The following EPHA5 variants were observed in gnomAD, a reference collection of about 807,000 sequenced individuals.
EPHA5 encodes EPH receptor A5, also known as ephrin type-A receptor 5.
A neutral mutation model predicts 105.0 loss-of-function variants in EPHA5; 60 were observed. The observed-to-expected ratio is 0.57, with a 90% CI of 0.46 to 0.71. The LOEUF is 0.71. Among genes scored for constraint, EPHA5 ranks in the 30% least tolerant of loss-of-function variants. The pLI, the probability that EPHA5 is intolerant of heterozygous loss-of-function variation, is 0.00. For synonymous variants in EPHA5, 513 were observed against 449.1 expected (o/e 1.14, Z -1.80); for missense variants, 1,218 against 1,274.7 (o/e 0.96, Z 0.68).
chr4:65,359,554 C>T (rs939544398), intron 11 of EPHA5, among the ~76,000 whole-genome samples: 1 of 151,482 alleles, frequency 6.6e-6, no homozygotes, highest in Admixed American at 6.6e-5. Flanking sequence ...AATTGCAACT[C>T]CTTTTTTGGA....
At chr4:65,633,164 T>A (rs1383650175) in intron 2 of EPHA5, among the ~76,000 whole-genome samples, 1 of 151,514 alleles carries the variant, frequency 6.6e-6, no homozygotes, top group Non-Finnish European at 1.5e-5. Context: ...TCAAAAAACT[T>A]CAAAAGCAAG....
chr4:65,492,606 C>T (rs555436625), intron 4 of EPHA5, among the ~76,000 whole-genome samples: 27 of 150,814 alleles, frequency 1.8e-4, no homozygotes, highest in African/African-American at 5.8e-4. Context: ...TTTGTCATAC[C>T]GGCCATCTCA....
intron 2 of EPHA5, among the ~76,000 whole-genome samples, chr4:65,639,278 T>A (rs1747428706): frequency 6.6e-6 from 1 of 152,216 alleles, no homozygotes; most frequent in Admixed American, 6.5e-5. Context: ...AAATATTTAT[T>A]TTGATCATTT....
chr4:65,503,514 C>T (rs979641930), intron 3 of EPHA5, among the ~76,000 whole-genome samples: 6 of 151,592 alleles, frequency 4.0e-5, no homozygotes, highest in African/African-American at 1.5e-4. Context: ...TAGAATATTA[C>T]ATAAGAAAAG....
At chr4:65,543,571 A>G (rs1477782827) in intron 3 of EPHA5, among the ~76,000 whole-genome samples, 1 of 152,092 alleles carries the variant, frequency 6.6e-6, no homozygotes, top group Non-Finnish European at 1.5e-5. Flanking sequence ...AGAAAATAAG[A>G]AAGGACACAA....
At chr4:65,459,825 A>T (rs1727959351) in intron 5 of EPHA5, among the ~76,000 whole-genome samples, 1 of 151,878 alleles carries the variant, frequency 6.6e-6, no homozygotes, top group Non-Finnish European at 1.5e-5. Context: ...TTTATAAAGG[A>T]AATCTAAAAA....
chr4:65,384,075 T>C (rs987932810), intron 8 of EPHA5, among the ~76,000 whole-genome samples: 1 of 151,854 alleles, frequency 6.6e-6, no homozygotes, highest in Non-Finnish European at 1.5e-5. Flanking sequence ...CAGGAAGGAA[T>C]AGAAGATGAG....
At chr4:65,657,338 G>T (rs1749167070) in intron 1 of EPHA5, among the ~76,000 whole-genome samples, 1 of 152,042 alleles carries the variant, frequency 6.6e-6, no homozygotes, top group Non-Finnish European at 1.5e-5. Flanking sequence ...ATGTTATGTT[G>T]GCTGATAGCT....
chr4:65,462,885 TG>T (rs1728260854), intron 5 of EPHA5, among the ~76,000 whole-genome samples: 1 of 152,200 alleles, frequency 6.6e-6, no homozygotes, highest in African/African-American at 2.4e-5. Context: ...GCATTATTTT[TG>T]TTCTGGGAAC....
intron 8 of EPHA5, among the ~76,000 whole-genome samples, chr4:65,398,814 G>A (rs1440641374): frequency 1.3e-5 from 2 of 152,120 alleles, no homozygotes; most frequent in Admixed American, 6.5e-5. Context: ...CACTCACTGG[G>A]ATGATCTACC....
chr4:65,566,486 C>T (rs897969877), intron 3 of EPHA5, among the ~76,000 whole-genome samples: 1 of 151,776 alleles, frequency 6.6e-6, no homozygotes, highest in Non-Finnish European at 1.5e-5. Context: ...GAACCATTTG[C>T]TAAATCAATT....
chr4:65,618,638 C>A (rs940248254), intron 2 of EPHA5, among the ~76,000 whole-genome samples: 18 of 152,122 alleles, frequency 1.2e-4, no homozygotes, highest in African/African-American at 4.3e-4. Flanking sequence ...ATTTCTGCTA[C>A]GAATTTTACA....
In EPHA5 at chr4:65,404,402, CT is replaced by C. The variant is rs760196634; in HGVS notation, c.1764del (p.Val589TrpfsTer38). On this transcript the variant is annotated frameshift_variant, in exon 8 of 17. Transcript: ENST00000613740. LOFTEE classifies it high-confidence loss of function. ...VSVTVGVILL[A>X]VVIGVLLSGR... ...CCACTGAGGAGGACGCCGATAACCA[CT>C]GCCAACAAAATGACTCCCACTGTCA... is the stretch of plus-strand genomic sequence containing the variant. 1 of 1,613,732 alleles carries C rather than the reference CT, an allele frequency of 6.2e-7. No individual in the cohort carries two copies. The highest frequency in any genetic ancestry group is 8.5e-7 in the Non-Finnish European group (1 of 1,179,766).
intron 9 of EPHA5, among the ~76,000 whole-genome samples, chr4:65,366,680 C>G (rs1345158796): frequency 6.6e-6 from 1 of 151,824 alleles, no homozygotes; most frequent in African/African-American, 2.4e-5. Context: ...AGGAAATGAA[C>G]TCAATGCTTT....
chr4:65,365,475 A>T (rs1319397295), intron 10 of EPHA5, among the ~76,000 whole-genome samples: 1 of 150,962 alleles, frequency 6.6e-6, no homozygotes, highest in African/African-American at 2.4e-5. Context: ...AAACCTTTTA[A>T]AAAAGAATGA....
rs1422908309 is a variant in EPHA5 at position 65,323,798 on chromosome 4, C to A, written c.*316G>T. 3.7e-5 allele frequency: 9 copies of A among 245,856 alleles called. No individual in the cohort carries two copies. The South Asian group carries it at 8.4e-4, about 23-fold the overall frequency. The allele number at this position is 245,856 out of a possible 1,614,324, so 15.2% of individuals were successfully genotyped here. Reference sequence around the variant, plus strand: ...TGCCTTAATTCAGTCTATAAAAGTGCTATATAATTATATATTTCATGTACA... The same window carrying A: ...TGCCTTAATTCAGTCTATAAAAGTGATATATAATTATATATTTCATGTACA... On this transcript the variant is annotated 3_prime_UTR_variant, in exon 17 of 17. Coordinates refer to ENST00000613740, the MANE Select transcript of EPHA5 (RefSeq NM_001281766.3).
At chr4:65,505,465 T>C (rs576384584) in intron 3 of EPHA5, among the ~76,000 whole-genome samples, 11 of 152,198 alleles carry the variant, frequency 7.2e-5, no homozygotes, top group African/African-American at 2.4e-4. Flanking sequence ...ATTTGTACTT[T>C]AGAAAAGCAG....
intron 11 of EPHA5, among the ~76,000 whole-genome samples, chr4:65,355,671 T>A (rs1388824605): frequency 6.6e-6 from 1 of 151,640 alleles, no homozygotes; most frequent in Non-Finnish European, 1.5e-5. Context: ...GCGATAATGC[T>A]GAGGTATCCT....
intron 2 of EPHA5, among the ~76,000 whole-genome samples, chr4:65,602,863 T>A (rs1445622054): frequency 6.6e-6 from 1 of 152,146 alleles, no homozygotes; most frequent in Admixed American, 6.5e-5. Context: ...GAAAATCCTT[T>A]AGTTTAAAAT....
Sources: gnomAD v4.1 joint callset for allele counts (sites outside exome capture counted in the v4.1 genomes callset) on GRCh38, gnomAD v4.1.1 for gene constraint, MANE v1.5 for transcripts, NCBI Gene and HGNC (gene_info 2026-07-23, HGNC 2026-07-21) for gene names.